The following SELENOT variants were observed in gnomAD, a reference collection of about 807,000 sequenced individuals.
SELENOT encodes thioredoxin reductase-like selenoprotein T.
Under a neutral mutation model 24.3 loss-of-function variants are expected in SELENOT, and 9 were observed. The observed-to-expected ratio is 0.37, with a 90% CI of 0.22 to 0.65. The LOEUF (loss-of-function observed/expected upper bound fraction) is 0.65. Among genes scored for constraint, SELENOT ranks in the 30% least tolerant of loss-of-function variants. The pLI, the probability that SELENOT is intolerant of heterozygous loss-of-function variation, is 0.60. For synonymous variants in SELENOT, 81 were observed against 86.0 expected, an observed-to-expected ratio of 0.94 and a Z score of 0.32; for missense variants, 166 against 247.6, an observed-to-expected ratio of 0.67 and a Z score of 2.21.
intron 1 of SELENOT, chr3:150,611,214 C>G: frequency 1.1e-6 from 1 of 896,222 alleles, no homozygotes; most frequent in Non-Finnish European, 1.8e-6. Context: ...TGTGAAAAAG[C>G]GGTAAACAGT....
intron 1 of SELENOT, among the ~76,000 whole-genome samples, chr3:150,610,121 CTG>C (rs1245199212): frequency 6.6e-6 from 1 of 152,172 alleles, no homozygotes; most frequent in Non-Finnish European, 1.5e-5. Context: ...TGAAACCCAA[CTG>C]TTTTACTTAT....
chr3:150,612,955 C>A (rs909005221), intron 1 of SELENOT, among the ~76,000 whole-genome samples: 1 of 152,160 alleles, frequency 6.6e-6, no homozygotes. Flanking sequence ...CACACAAACT[C>A]CAGCTTATCT....
At chr3:150,621,600 T>A (rs1056003722) in intron 1 of SELENOT, among the ~76,000 whole-genome samples, 1 of 142,924 alleles carries the variant, frequency 7.0e-6, no homozygotes, top group African/African-American at 2.5e-5. Context: ...ATATGCACTC[T>A]GGTGGCATAT....
At chr3:150,621,460 G>A (rs1726342712) in intron 1 of SELENOT, among the ~76,000 whole-genome samples, 1 of 151,696 alleles carries the variant, frequency 6.6e-6, no homozygotes, top group African/African-American at 2.4e-5. Flanking sequence ...TGCTTCCTCT[G>A]TACCAAGTGG....
At chr3:150,619,468 G>A (rs1419506352) in intron 1 of SELENOT, among the ~76,000 whole-genome samples, 2 of 152,018 alleles carry the variant, frequency 1.3e-5, no homozygotes, top group African/African-American at 2.4e-5. Context: ...TGCGGGAGGC[G>A]GAGTTTGCAG....
chr3:150,622,328 C>G, intron 1 of SELENOT, 57 bp from the exon 2 acceptor site: 3 of 846,822 alleles, frequency 3.5e-6, no homozygotes, highest in Non-Finnish European at 4.9e-6. Context: ...TAACTAACTA[C>G]AAAATAAATC....
intron 1 of SELENOT, among the ~76,000 whole-genome samples, chr3:150,608,033 A>C (rs1004358977): frequency 6.6e-6 from 1 of 152,230 alleles, no homozygotes; most frequent in Non-Finnish European, 1.5e-5. Context: ...TGGTAAATTT[A>C]ACAGCTCTTA....
chr3:150,609,375 G>C (rs540533041), intron 1 of SELENOT, among the ~76,000 whole-genome samples: 73 of 151,778 alleles, frequency 4.8e-4, no homozygotes, highest in Non-Finnish European at 6.5e-4. Flanking sequence ...TTTGAGACTG[G>C]GTCTCACTCT....
intron 1 of SELENOT, among the ~76,000 whole-genome samples, chr3:150,609,219 C>T (rs1398024856): frequency 6.6e-6 from 1 of 152,220 alleles, no homozygotes; most frequent in Admixed American, 6.5e-5. Flanking sequence ...ACTGCGCCAT[C>T]AGTAACTTTT....
intron 2 of SELENOT, 56 bp downstream of exon 2, chr3:150,622,551 T>C: frequency 7.2e-6 from 6 of 836,804 alleles, no homozygotes; most frequent in Admixed American, 3.3e-5. Context: ...TATAAGTGTT[T>C]GTGAATTGGT....
chr3:150,610,931 G>A (rs1479253788), intron 1 of SELENOT, among the ~76,000 whole-genome samples: 7 of 151,816 alleles, frequency 4.6e-5, no homozygotes, highest in African/African-American at 1.7e-4. Context: ...CCATTGTCTT[G>A]TTGGTCAGTG....
chr3:150,608,622 G>C (rs1726022275), intron 1 of SELENOT, among the ~76,000 whole-genome samples: 1 of 152,132 alleles, frequency 6.6e-6, no homozygotes, highest in Non-Finnish European at 1.5e-5. Context: ...AAAAGGAAAA[G>C]TAGAGATGCT....
intron 1 of SELENOT, among the ~76,000 whole-genome samples, chr3:150,621,614 C>CTTTTT (rs35489270): frequency 0.022 from 1,770 of 80,158 alleles, 8 homozygotes; most frequent in East Asian, 0.053. Flanking sequence ...GGCATATTTC[C>CTTTTT]TTTTTTTTTT....
At chr3:150,614,464 G>C (rs1726169497) in intron 1 of SELENOT, 1 of 154,046 alleles carries the variant, frequency 6.5e-6, no homozygotes. Context: ...AGAATTTAGA[G>C]CTAGAAAGGA....
intron 1 of SELENOT, among the ~76,000 whole-genome samples, chr3:150,621,895 A>AT (rs1254241989): frequency 2.6e-5 from 4 of 151,606 alleles, no homozygotes; most frequent in Non-Finnish European, 2.9e-5. Flanking sequence ...TCATGCCTTG[A>AT]TTTTTTTTGT....
At chr3:150,622,224 T>TA (rs1014754804) in intron 1 of SELENOT, among the ~76,000 whole-genome samples, 161 bp from the exon 2 acceptor site, 11 of 152,154 alleles carry the variant, frequency 7.2e-5, no homozygotes, top group African/African-American at 2.7e-4. Context: ...GAAATGTATT[T>TA]AAAAAACTCA....
intron 1 of SELENOT, among the ~76,000 whole-genome samples, chr3:150,619,208 G>A (rs1243704673): frequency 1.1e-4 from 15 of 136,714 alleles, no homozygotes; most frequent in African/African-American, 4.2e-4. Context: ...GCGACAGAGC[G>A]AGACTCCGTC....
chr3:150,610,916 C>G (rs530457312), intron 1 of SELENOT, among the ~76,000 whole-genome samples: 5 of 151,992 alleles, frequency 3.3e-5, no homozygotes, highest in Admixed American at 6.5e-5. Flanking sequence ...GGTTAATGGA[C>G]TTGACCATTG....
At chr3:150,613,104 T>C (rs1438287738) in intron 1 of SELENOT, among the ~76,000 whole-genome samples, 6 of 152,212 alleles carry the variant, frequency 3.9e-5, no homozygotes, top group African/African-American at 1.4e-4. Context: ...GGTGTTGCTA[T>C]AATAGAATAT....
Sources: gnomAD v4.1 joint callset for allele counts (sites outside exome capture counted in the v4.1 genomes callset) on GRCh38, gnomAD v4.1.1 for gene constraint, MANE v1.5 for transcripts, NCBI Gene and HGNC (gene_info 2026-07-23, HGNC 2026-07-21) for gene names.